Variants in CDH4 observed in about 807,000 individuals in gnomAD.
The protein encoded by CDH4 is cadherin 4.
Under a neutral mutation model 86.0 loss-of-function variants are expected in CDH4, and 33 were observed. The observed-to-expected ratio is 0.38, with a 90% confidence interval of 0.29 to 0.51. The LOEUF (loss-of-function observed/expected upper bound fraction) is 0.51, where lower values mean the gene tolerates loss of function less well. Ranked by LOEUF, CDH4 falls within the 20% of genes least tolerant of loss-of-function variation. The pLI is 0.86. For missense variants in CDH4, 1,114 were observed against 1,307.4 expected, an observed-to-expected ratio of 0.85 and a Z score of 2.28; for synonymous variants, 555 against 549.4, an observed-to-expected ratio of 1.01 and a Z score of -0.14.
chr20:61,733,620 G>T (rs1007550331), intron 2 of CDH4, among the ~76,000 whole-genome samples: 8 of 151,992 alleles, frequency 5.3e-5, no homozygotes, highest in Non-Finnish European at 8.8e-5. Context: ...ACGTAGGGAG[G>T]AAATGGGTAC....
intron 10 of CDH4, 23 bp downstream of exon 10, chr20:61,923,727 G>T (rs367842442): frequency 2.5e-6 from 4 of 1,607,602 alleles, no homozygotes; most frequent in Non-Finnish European, 3.4e-6. Flanking sequence ...GACATGCCTC[G>T]TCCCTGCCTG....
intron 2 of CDH4, among the ~76,000 whole-genome samples, chr20:61,651,546 G>A (rs1305646826): frequency 6.6e-6 from 1 of 152,160 alleles, no homozygotes; most frequent in Non-Finnish European, 1.5e-5. Flanking sequence ...CCTGAGCAGT[G>A]TGTGGGTTGG....
intron 2 of CDH4, among the ~76,000 whole-genome samples, chr20:61,621,917 G>A (rs1600814538): frequency 6.6e-6 from 1 of 152,212 alleles, no homozygotes. Flanking sequence ...CAGATGAAGT[G>A]CATAAACTAT....
chr20:61,457,971 CA>C (rs1429143974), intron 2 of CDH4, among the ~76,000 whole-genome samples: 4 of 144,384 alleles, frequency 2.8e-5, no homozygotes, highest in Admixed American at 2.8e-4. Flanking sequence ...TAGTCATGGT[CA>C]TGATGATGAC....
At chr20:61,294,496 C>G (rs575597665) in intron 2 of CDH4, among the ~76,000 whole-genome samples, 2 of 152,244 alleles carry the variant, frequency 1.3e-5, no homozygotes, top group African/African-American at 4.8e-5. Flanking sequence ...TCACCCTCCA[C>G]CCTATGCCCC....
chr20:61,388,809 G>A (rs2084965876), intron 2 of CDH4, among the ~76,000 whole-genome samples: 1 of 152,166 alleles, frequency 6.6e-6, no homozygotes, highest in African/African-American at 2.4e-5. Context: ...ATCTCTTAGA[G>A]CTGTTTCATG....
chr20:61,350,038 C>T (rs374061993), intron 2 of CDH4, among the ~76,000 whole-genome samples: 13 of 152,208 alleles, frequency 8.5e-5, no homozygotes, highest in East Asian at 3.8e-4. Flanking sequence ...AGGAGGCAGC[C>T]GCCCTCCAGT....
At chr20:61,367,373 C>T (rs1310329293) in intron 2 of CDH4, among the ~76,000 whole-genome samples, 2 of 152,152 alleles carry the variant, frequency 1.3e-5, no homozygotes, top group African/African-American at 4.8e-5. Context: ...AGCAGAGCTC[C>T]TGCTAATTAT....
chr20:61,855,778 C>T (rs1982972016), intron 6 of CDH4, among the ~76,000 whole-genome samples: 1 of 152,264 alleles, frequency 6.6e-6, no homozygotes, highest in Non-Finnish European at 1.5e-5. Flanking sequence ...CTGGGCACGG[C>T]CTGGCAGCCA....
intron 2 of CDH4, among the ~76,000 whole-genome samples, chr20:61,535,000 ACAAT>A (rs1371798404): frequency 6.6e-6 from 1 of 152,176 alleles, no homozygotes. Context: ...ACTTAAAGGG[ACAAT>A]CAAATAGATG....
At chr20:61,693,871 A>ACACTCTT (rs2087687244) in intron 2 of CDH4, among the ~76,000 whole-genome samples, 1 of 147,768 alleles carries the variant, frequency 6.8e-6, no homozygotes, top group Non-Finnish European at 1.5e-5. Context: ...CGCTTCTCAG[A>ACACTCTT]CACTCTTTCT....
chr20:61,751,381 C>G (rs963031921), intron 3 of CDH4, among the ~76,000 whole-genome samples: 1 of 152,154 alleles, frequency 6.6e-6, no homozygotes, highest in South Asian at 2.1e-4. Context: ...GCCATTAAAA[C>G]GGTGTCATTT....
intron 2 of CDH4, among the ~76,000 whole-genome samples, chr20:61,593,282 T>C (rs1453248277): frequency 1.3e-5 from 2 of 152,222 alleles, no homozygotes; most frequent in African/African-American, 4.8e-5. Context: ...TTCCTGGCTG[T>C]TAGAAGTAAA....
chr20:61,525,756 A>G (rs574457014), intron 2 of CDH4, among the ~76,000 whole-genome samples: 3 of 152,148 alleles, frequency 2.0e-5, no homozygotes, highest in Non-Finnish European at 4.4e-5. Flanking sequence ...TTTCCGGTTC[A>G]TGTCACAGAC....
intron 2 of CDH4, among the ~76,000 whole-genome samples, chr20:61,596,343 C>T (rs1319619523): frequency 6.6e-6 from 1 of 152,128 alleles, no homozygotes; most frequent in Non-Finnish European, 1.5e-5. Flanking sequence ...GACTGGCTCA[C>T]AGGGCCACAG....
intron 2 of CDH4, among the ~76,000 whole-genome samples, chr20:61,590,385 C>T (rs1012956047): frequency 1.3e-5 from 2 of 152,164 alleles, no homozygotes; most frequent in Non-Finnish European, 2.9e-5. Flanking sequence ...CCTGGCGTTT[C>T]CTGCACCTGC....
At chr20:61,312,868 G>A (rs77375500) in intron 2 of CDH4, among the ~76,000 whole-genome samples, 16 of 152,112 alleles carry the variant, frequency 1.1e-4, no homozygotes, top group East Asian at 5.8e-4. Context: ...ACCCATCCTC[G>A]GCTTGCTCTT....
intron 2 of CDH4, among the ~76,000 whole-genome samples, chr20:61,655,876 C>T (rs28538878): frequency 6.6e-6 from 1 of 152,210 alleles, no homozygotes; most frequent in Admixed American, 6.5e-5. Flanking sequence ...AAGTGTGTGG[C>T]TAATAGAGAG....
intron 2 of CDH4, among the ~76,000 whole-genome samples, chr20:61,701,693 G>C (rs1247303532): frequency 6.6e-6 from 1 of 152,270 alleles, no homozygotes; most frequent in Non-Finnish European, 1.5e-5. Context: ...GGCCTCCAGC[G>C]CTGGTAGCTT....
Sources: gnomAD v4.1 joint callset for allele counts (sites outside exome capture counted in the v4.1 genomes callset) on GRCh38, gnomAD v4.1.1 for gene constraint, MANE v1.5 for transcripts, NCBI Gene and HGNC (gene_info 2026-07-23, HGNC 2026-07-21) for gene names.